The following FHIT variants were observed in gnomAD, a reference collection of about 807,000 sequenced individuals.
FHIT encodes bis(5'-adenosyl)-triphosphatase.
Under a neutral mutation model 17.9 loss-of-function variants are expected in FHIT, and 19 were observed. The observed-to-expected ratio is 1.06, with a 90% CI of 0.74 to 1.56. FHIT has a LOEUF of 1.56. Among genes scored for constraint, FHIT ranks in the 40% most tolerant of loss-of-function variants. The probability of loss-of-function intolerance (pLI) is 0.00; values close to 1 mark genes in which losing one functional copy is unlikely to be tolerated. For synonymous variants in FHIT, 81 were observed against 69.7 expected (o/e 1.16, Z -0.81); for missense variants, 248 against 189.2 (o/e 1.31, Z -1.82).
At chr3:60,826,933 T>A (rs1702146413) in intron 3 of FHIT, among the ~76,000 whole-genome samples, 1 of 152,212 alleles carries the variant, frequency 6.6e-6, no homozygotes, top group African/African-American at 2.4e-5. Flanking sequence ...CTTGTCATAT[T>A]TCTCTCTTTA....
intron 5 of FHIT, among the ~76,000 whole-genome samples, chr3:60,036,764 G>C (rs1255746117): frequency 2.6e-5 from 4 of 151,772 alleles, no homozygotes; most frequent in Non-Finnish European, 4.4e-5. Context: ...CAGTCAACAG[G>C]TTTTGTTTGT....
At chr3:59,761,268 C>T (rs1353203647) in intron 8 of FHIT, among the ~76,000 whole-genome samples, 1 of 152,162 alleles carries the variant, frequency 6.6e-6, no homozygotes, top group African/African-American at 2.4e-5. Flanking sequence ...CAATATCAAA[C>T]TTGGTAAAAA....
chr3:60,912,738 C>A, intron 3 of FHIT: 1 of 516,114 alleles, frequency 1.9e-6, no homozygotes, highest in Non-Finnish European at 3.9e-6. Context: ...CATTAGTTCC[C>A]CCATATATTT....
chr3:60,425,403 C>G (rs1702625131), intron 5 of FHIT, among the ~76,000 whole-genome samples: 1 of 152,122 alleles, frequency 6.6e-6, no homozygotes, highest in East Asian at 1.9e-4. Flanking sequence ...CTCCATGATT[C>G]TCTCCCACCC....
At chr3:60,902,404 TG>T (rs1413875866) in intron 3 of FHIT, among the ~76,000 whole-genome samples, 1 of 152,242 alleles carries the variant, frequency 6.6e-6, no homozygotes, top group African/African-American at 2.4e-5. Flanking sequence ...TAATAGGATT[TG>T]GATTATGATT....
chr3:59,770,504 A>G (rs188156218), intron 8 of FHIT, among the ~76,000 whole-genome samples: 133 of 152,322 alleles, frequency 8.7e-4, no homozygotes, highest in African/African-American at 2.9e-3. Context: ...TCTCTAAGCC[A>G]TGGAATGCCA....
At position 60,226,261 on chromosome 3, in the gene FHIT, T is replaced by C. The variant is rs902752811; in HGVS notation, c.104-212109A>G. Among the ~76,000 whole-genome samples, 6 of 151,888 alleles carry C rather than the reference T, an allele frequency of 4.0e-5. No individual in the cohort carries two copies. The South Asian group carries it at 1.3e-3, about 32-fold the overall frequency. On this transcript the variant is annotated intron_variant, in intron 5 of 9. Coordinates refer to ENST00000492590, the MANE Select transcript of FHIT (RefSeq NM_002012.4). ...GCTGAGGCAGGCAGCCCACCTGAGG[T>C]AGAGAGTTCAAGACCAGCCTGACCA...
intron 2 of FHIT, among the ~76,000 whole-genome samples, chr3:61,181,081 G>C (rs188996779): frequency 1.3e-5 from 2 of 152,246 alleles, no homozygotes; most frequent in African/African-American, 4.8e-5. Context: ...ACATAATGAA[G>C]TTAAAGTAAT....
At chr3:60,033,721 A>C (rs1444992271) in intron 5 of FHIT, among the ~76,000 whole-genome samples, 1 of 152,212 alleles carries the variant, frequency 6.6e-6, no homozygotes, top group South Asian at 2.1e-4. Flanking sequence ...GAAGGTAAAC[A>C]GGCCATCCTT....
At chr3:60,767,799 T>G (rs1311340656) in intron 4 of FHIT, among the ~76,000 whole-genome samples, 2 of 152,208 alleles carry the variant, frequency 1.3e-5, no homozygotes, top group Non-Finnish European at 2.9e-5. Flanking sequence ...ACAGAATGTT[T>G]CAAGATAGGA....
chr3:60,871,451 C>G (rs1019628263), intron 3 of FHIT, among the ~76,000 whole-genome samples: 2 of 152,058 alleles, frequency 1.3e-5, no homozygotes, highest in Non-Finnish European at 2.9e-5. Context: ...AATAACATAA[C>G]ACTGTCACCA....
intron 4 of FHIT, among the ~76,000 whole-genome samples, chr3:60,772,203 T>G (rs1553723267): frequency 6.6e-6 from 1 of 151,810 alleles, no homozygotes; most frequent in Admixed American, 6.6e-5. Flanking sequence ...GCCCCCATGA[T>G]GTGCACACAG....
intron 4 of FHIT, among the ~76,000 whole-genome samples, chr3:60,731,185 C>A (rs1457539608): frequency 6.6e-6 from 1 of 152,016 alleles, no homozygotes; most frequent in Non-Finnish European, 1.5e-5. Context: ...CAGTACGTTA[C>A]TGGCCGAACA....
At chr3:60,857,431 T>C (rs1447059468) in intron 3 of FHIT, among the ~76,000 whole-genome samples, 2 of 152,146 alleles carry the variant, frequency 1.3e-5, no homozygotes, top group Admixed American at 1.3e-4. Context: ...TGTGAGGTGA[T>C]ATAATCCCTC....
chr3:60,884,635 C>A (rs6776937), intron 3 of FHIT, among the ~76,000 whole-genome samples: 32,878 of 151,740 alleles, frequency 0.22, 3,827 homozygotes, highest in Middle Eastern at 0.28. Flanking sequence ...GAAATAAGCC[C>A]AACACAGACA....
intron 2 of FHIT, among the ~76,000 whole-genome samples, chr3:61,179,767 G>C (rs1338705643): frequency 2.0e-5 from 3 of 147,090 alleles, no homozygotes; most frequent in African/African-American, 7.5e-5. Context: ...CAAAAACATG[G>C]TAAAACCAAT....
intron 5 of FHIT, among the ~76,000 whole-genome samples, chr3:60,339,667 T>C (rs570355507): frequency 2.0e-5 from 3 of 152,264 alleles, no homozygotes; most frequent in South Asian, 4.1e-4. Flanking sequence ...ATGACAAAAG[T>C]GGAATCCCTA....
chr3:60,682,673 T>C (rs1553697228), intron 4 of FHIT, among the ~76,000 whole-genome samples: 1 of 152,186 alleles, frequency 6.6e-6, no homozygotes, highest in Non-Finnish European at 1.5e-5. Flanking sequence ...GATGGAGATG[T>C]AAAAGGAAAT....
chr3:60,584,064 G>A lies in FHIT; in HGVS notation c.-17-47085C>T, dbSNP rs73834249. ...CCTCACAGCTGCAGATACAGGTATA[G>A]GTACAGTTCCTTAGAGAAAATAGCT... is the stretch of plus-strand genomic sequence containing the variant. On this transcript the variant is annotated intron_variant, in intron 4 of 9. Transcript: ENST00000492590. Among the ~76,000 whole-genome samples the A allele has an allele frequency of 2.6e-3, 388 of 152,150 alleles. 3 individuals carry two copies. The highest frequency in any genetic ancestry group is 9.0e-3 in the African/African-American group (375 of 41,534).
Sources: allele counts gnomAD v4.1 joint callset (sites outside exome capture counted in the v4.1 genomes callset), GRCh38; gene constraint gnomAD v4.1.1; transcripts MANE v1.5; gene names NCBI Gene and HGNC (gene_info 2026-07-23, HGNC 2026-07-21).